Variants in TRIQK observed in about 807,000 individuals in gnomAD.
The protein encoded by TRIQK is triple QxxK/R motif-containing protein.
In TRIQK, 10 loss-of-function variants were observed where a neutral mutation model predicts 10.8. That is an observed-to-expected ratio of 0.92 (90% CI 0.57 to 1.57). The LOEUF (loss-of-function observed/expected upper bound fraction) is 1.57. Ranked by LOEUF, TRIQK falls within the 40% of genes most tolerant of loss-of-function variation. The pLI is 0.00. For synonymous variants in TRIQK, 33 were observed against 33.7 expected, an observed-to-expected ratio of 0.98 and a Z score of 0.07; for missense variants, 107 against 97.7, an observed-to-expected ratio of 1.09 and a Z score of -0.40.
At chr8:92,963,786 G>C (rs547438040) in intron 1 of TRIQK, 2 of 152,030 alleles carry the variant, frequency 1.3e-5, no homozygotes, top group African/African-American at 4.8e-5. Context: ...CCAGCTACTC[G>C]GGAGGCTGAG....
At chr8:92,940,383 T>G (rs768190386) in intron 2 of TRIQK, among the ~76,000 whole-genome samples, 1 of 146,248 alleles carries the variant, frequency 6.8e-6, no homozygotes, top group Non-Finnish European at 1.5e-5. Flanking sequence ...TGCAAGAGAA[T>G]CACTTCACTG....
intron 2 of TRIQK, among the ~76,000 whole-genome samples, chr8:92,925,022 A>G (rs762112145): frequency 2.0e-5 from 3 of 152,128 alleles, no homozygotes; most frequent in Non-Finnish European, 4.4e-5. Flanking sequence ...GCCAACATTG[A>G]TATGAAAATT....
chr8:92,999,996 C>T (rs1229720887), intron 1 of TRIQK, among the ~76,000 whole-genome samples: 3 of 152,046 alleles, frequency 2.0e-5, no homozygotes, highest in Non-Finnish European at 4.4e-5. Context: ...TTTTTCTGAG[C>T]TCTACATATA....
chr8:92,891,284 TAAATA>T (rs1816749139), intron 4 of TRIQK, among the ~76,000 whole-genome samples: 1 of 151,960 alleles, frequency 6.6e-6, no homozygotes, highest in Non-Finnish European at 1.5e-5. Flanking sequence ...TGTTAATATT[TAAATA>T]AAATATATGT....
chr8:92,990,919 A>G (rs192360958), intron 1 of TRIQK, among the ~76,000 whole-genome samples: 1 of 152,220 alleles, frequency 6.6e-6, no homozygotes, highest in African/African-American at 2.4e-5. Context: ...CACTGCCCTG[A>G]AAAGGGGGCT....
intron 1 of TRIQK, among the ~76,000 whole-genome samples, chr8:92,955,357 C>T (rs567727993): frequency 1.8e-3 from 274 of 151,774 alleles, no homozygotes; most frequent in Admixed American, 4.8e-3. Flanking sequence ...AAAGAATAAT[C>T]CTTTTTAACA....
At chr8:92,899,474 C>G (rs1432659109) in intron 3 of TRIQK, among the ~76,000 whole-genome samples, 1 of 151,956 alleles carries the variant, frequency 6.6e-6, no homozygotes, top group East Asian at 1.9e-4. Flanking sequence ...ATTTTTTTAG[C>G]TCCCACAAAT....
rs375957646 is a variant in TRIQK at position 92,949,671 on chromosome 8, G to GGAAAGAAA, written c.-22+4727_-22+4734dup. Among the ~76,000 whole-genome samples the GGAAAGAAA allele has an allele frequency of 3.8e-3, 239 of 62,628 alleles. 13 individuals carry two copies. Among genetic ancestry groups the GGAAAGAAA allele is most frequent in the Admixed American group, 0.037 (186 of 5,040 alleles). The allele number at this position is 62,628 out of a possible 152,430, so 41.1% of individuals were successfully genotyped here. On this transcript the variant is annotated intron_variant, in intron 2 of 4. Coordinates refer to ENST00000521988, the MANE Select transcript of TRIQK (RefSeq NM_001171797.2). ...AGGAAAGGGAAGGAAAGAAAGAGAA[G>GGAAAGAAA]GAAAGAAAGAAAGAAAGAAAGAAAG...
chr8:92,981,860 G>A (rs1812989878), intron 1 of TRIQK, among the ~76,000 whole-genome samples: 1 of 151,688 alleles, frequency 6.6e-6, no homozygotes, highest in Non-Finnish European at 1.5e-5. Flanking sequence ...ATTTTTGAGT[G>A]TAATCATGTA....
Position 92,905,344 on chromosome 8 carries a change from T to A in TRIQK, c.61+11585A>T, listed in dbSNP as rs2130373840. 1.3e-5 allele frequency among the ~76,000 whole-genome samples: 2 copies of A among 152,258 alleles called. 1 individual carries two copies. Among genetic ancestry groups the A allele is most frequent in the Admixed American group, 1.3e-4 (2 of 15,288 alleles). On this transcript the variant is annotated intron_variant, in intron 3 of 4. Transcript: ENST00000521988. ...AAATTTTATAACAATATATACAACA[T>A]GATTTCATTTATATAAAGATCACCT...
chr8:92,949,091 C>T (rs185974963), intron 2 of TRIQK, among the ~76,000 whole-genome samples: 2 of 152,284 alleles, frequency 1.3e-5, no homozygotes, highest in Non-Finnish European at 2.9e-5. Flanking sequence ...CTTTTTCTGT[C>T]CATAAATCTT....
At position 92,885,049 on chromosome 8, in the gene TRIQK, T is replaced by A. The variant is rs1816401209; in HGVS notation, c.*1573A>T. On this transcript the variant is annotated 3_prime_UTR_variant, in exon 5 of 5. Transcript: ENST00000521988. ...GTGGTGAGTATATAAGAACTCTTGG[T>A]CTGTCTCTTGAGTCTGTGAGTTCAA... 3 of 454,682 alleles carry A rather than the reference T, an allele frequency of 6.6e-6. No homozygotes were observed. Among genetic ancestry groups the A allele is most frequent in the Non-Finnish European group, 4.4e-6 (1 of 225,584 alleles). 28.2% of individuals were successfully genotyped at this position (454,682 alleles called of 1,614,324 possible). A position where few individuals can be genotyped will look rare whatever the true frequency, so the allele number is the denominator to read the frequency against.
chr8:92,927,399 TAA>T (rs1371400768), intron 2 of TRIQK, among the ~76,000 whole-genome samples: 1 of 145,626 alleles, frequency 6.9e-6, no homozygotes, highest in Admixed American at 7.1e-5. Context: ...TTGGACTTAA[TAA>T]AGTTAAATAA....
intron 1 of TRIQK, chr8:92,965,149 G>GTAAA (rs1410237528): frequency 2.0e-5 from 3 of 152,030 alleles, no homozygotes. Flanking sequence ...CAGCTCTACA[G>GTAAA]GTTTAGCACA....
At chr8:92,924,062 G>C (rs1353764242) in intron 2 of TRIQK, among the ~76,000 whole-genome samples, 1 of 151,866 alleles carries the variant, frequency 6.6e-6, no homozygotes, top group Admixed American at 6.6e-5. Flanking sequence ...TAGTTTTTAA[G>C]GCTAAAAGAA....
intron 1 of TRIQK, among the ~76,000 whole-genome samples, chr8:92,984,317 T>A (rs1321248221): frequency 1.3e-5 from 2 of 152,068 alleles, no homozygotes; most frequent in Admixed American, 1.3e-4. Flanking sequence ...AAATAGGTTA[T>A]GATATAAAAA....
intron 2 of TRIQK, among the ~76,000 whole-genome samples, chr8:92,938,672 C>T (rs1239198443): frequency 6.6e-6 from 1 of 152,098 alleles, no homozygotes; most frequent in African/African-American, 2.4e-5. Context: ...AACCGAGGCA[C>T]TGTTGATTTT....
chr8:92,926,687 A>T (rs1586437732), intron 2 of TRIQK, among the ~76,000 whole-genome samples: 1 of 152,318 alleles, frequency 6.6e-6, no homozygotes, highest in East Asian at 1.9e-4. Flanking sequence ...AACAAGAAAA[A>T]GAGAAAATAA....
intron 1 of TRIQK, among the ~76,000 whole-genome samples, chr8:92,977,437 T>A (rs1812944463): frequency 6.6e-6 from 1 of 152,048 alleles, no homozygotes; most frequent in Non-Finnish European, 1.5e-5. Context: ...GCTCATATTT[T>A]CCAATATTAA....
Sources: allele counts gnomAD v4.1 joint callset (sites outside exome capture counted in the v4.1 genomes callset), GRCh38; gene constraint gnomAD v4.1.1; transcripts MANE v1.5; gene names NCBI Gene and HGNC (gene_info 2026-07-23, HGNC 2026-07-21).